ALDH1A2: variants seen among roughly 807,000 people sequenced by gnomAD.
The protein encoded by ALDH1A2 is retinal dehydrogenase 2.
A neutral mutation model predicts 60.3 loss-of-function variants in ALDH1A2; 27 were observed. The observed-to-expected ratio is 0.45, with a 90% CI of 0.33 to 0.62. The LOEUF is 0.62. Among genes scored for constraint, ALDH1A2 ranks in the 20% least tolerant of loss-of-function variants. The pLI is 0.02. For synonymous variants in ALDH1A2, 289 were observed against 232.4 expected, an observed-to-expected ratio of 1.24 and a Z score of -2.21; for missense variants, 581 against 643.8, an observed-to-expected ratio of 0.90 and a Z score of 1.06.
At chr15:57,966,195 A>C (rs1566930771) in intron 7 of ALDH1A2, among the ~76,000 whole-genome samples, 1 of 152,188 alleles carries the variant, frequency 6.6e-6, no homozygotes, top group Non-Finnish European at 1.5e-5. Flanking sequence ...AAAAAAGCCA[A>C]CTGGTGCCAC....
At chr15:58,045,680 C>G (rs531144483) in intron 1 of ALDH1A2, among the ~76,000 whole-genome samples, 3 of 152,078 alleles carry the variant, frequency 2.0e-5, no homozygotes, top group Non-Finnish European at 2.9e-5. Context: ...CACTCATAAG[C>G]AGGAACTGAA....
At chr15:58,025,670 T>C (rs1322865345) in intron 1 of ALDH1A2, among the ~76,000 whole-genome samples, 2 of 152,194 alleles carry the variant, frequency 1.3e-5, no homozygotes, top group African/African-American at 2.4e-5. Context: ...CGTAAAGGAA[T>C]ACCTGAGGAT....
chr15:58,044,219 C>T (rs2140560302), intron 1 of ALDH1A2, among the ~76,000 whole-genome samples: 1 of 151,994 alleles, frequency 6.6e-6, no homozygotes, highest in South Asian at 2.1e-4. Flanking sequence ...ATACATGTGC[C>T]ATGGTGGTTT....
At chr15:58,001,165 T>G (rs995358479) in intron 4 of ALDH1A2, among the ~76,000 whole-genome samples, 5 of 151,702 alleles carry the variant, frequency 3.3e-5, no homozygotes, top group African/African-American at 1.2e-4. Context: ...TATCAGCATC[T>G]TATAAACAGA....
At chr15:58,058,010 AC>A in intron 1 of ALDH1A2, 2 of 1,471,394 alleles carry the variant, frequency 1.4e-6, no homozygotes, top group Non-Finnish European at 1.8e-6. Flanking sequence ...GGCAGAATTC[AC>A]CAGTTTCAGT....
At chr15:57,976,484 T>TG (rs1894262381) in intron 7 of ALDH1A2, among the ~76,000 whole-genome samples, 1 of 152,154 alleles carries the variant, frequency 6.6e-6, no homozygotes, top group Non-Finnish European at 1.5e-5. Context: ...TCCTCATTGT[T>TG]CAACTCTCAC....
At chr15:58,002,678 T>C (rs1239778803) in intron 4 of ALDH1A2, among the ~76,000 whole-genome samples, 1 of 151,908 alleles carries the variant, frequency 6.6e-6, no homozygotes, top group East Asian at 1.9e-4. Flanking sequence ...CTGTAGCAAA[T>C]TTTATATACC....
At chr15:57,979,637 A>AG (rs1894412246) in intron 7 of ALDH1A2, 1 of 171,416 alleles carries the variant, frequency 5.8e-6, no homozygotes, top group Admixed American at 6.4e-5. Flanking sequence ...GAACAGGTTA[A>AG]GAAAAAAAAG....
intron 1 of ALDH1A2, among the ~76,000 whole-genome samples, chr15:58,036,360 G>A (rs1299857670): frequency 6.6e-6 from 1 of 151,542 alleles, no homozygotes; most frequent in Non-Finnish European, 1.5e-5. Flanking sequence ...GATGCATAAT[G>A]ACAGAAAGAC....
chr15:57,997,239 G>T (rs138118668), intron 4 of ALDH1A2, among the ~76,000 whole-genome samples: 141 of 152,088 alleles, frequency 9.3e-4, no homozygotes, highest in African/African-American at 3.3e-3. Flanking sequence ...GATAACTAAA[G>T]AATCTTCTGG....
intron 4 of ALDH1A2, among the ~76,000 whole-genome samples, chr15:58,006,410 G>A (rs936671330): frequency 6.6e-6 from 1 of 151,864 alleles, no homozygotes; most frequent in Non-Finnish European, 1.5e-5. Context: ...TTATCCACTC[G>A]TTGGCTGACG....
At chr15:58,017,805 C>CATAAAA (rs149786567) in intron 1 of ALDH1A2, among the ~76,000 whole-genome samples, 26 of 151,728 alleles carry the variant, frequency 1.7e-4, no homozygotes, top group Non-Finnish European at 3.1e-4. Context: ...GTAAATTATT[C>CATAAAA]ATAAAAATAA....
At chr15:57,961,405 T>C in intron 10 of ALDH1A2, 111 bp from the exon 11 acceptor site, 1 of 1,320,346 alleles carries the variant, frequency 7.6e-7, no homozygotes, top group South Asian at 1.2e-5. Flanking sequence ...CCTTTAAGTT[T>C]AGCAGTACAA....
chr15:58,026,210 C>T (rs1189875819), intron 1 of ALDH1A2, among the ~76,000 whole-genome samples: 3 of 152,126 alleles, frequency 2.0e-5, no homozygotes, highest in Non-Finnish European at 2.9e-5. Context: ...ATCAACAGCA[C>T]ATTGAAAAGA....
chr15:57,993,219 C>T, intron 5 of ALDH1A2, 146 bp from the exon 6 acceptor site: 1 of 1,014,884 alleles, frequency 9.9e-7, no homozygotes, highest in Non-Finnish European at 1.5e-6. Flanking sequence ...TTTTCAATTA[C>T]TTCATTAAGA....
intron 7 of ALDH1A2, among the ~76,000 whole-genome samples, chr15:57,975,820 G>GGTGA (rs1362244747): frequency 2.8e-4 from 42 of 152,116 alleles, no homozygotes; most frequent in African/African-American, 9.2e-4. Flanking sequence ...TGTGGGGGTG[G>GGTGA]GGGTGGAGAG....
chr15:57,993,165 T>C, intron 5 of ALDH1A2, 92 bp from the exon 6 acceptor site: 1 of 1,465,378 alleles, frequency 6.8e-7, no homozygotes, highest in South Asian at 1.2e-5. Flanking sequence ...CTCAAACTAG[T>C]CCTCGACATA....
At position 57,982,504 on chromosome 15, in the gene ALDH1A2, G is replaced by A. The variant is rs189659025; in HGVS notation, c.798+10201C>T. On this transcript the variant is annotated intron_variant, in intron 7 of 12. Coordinates refer to ENST00000249750, the MANE Select transcript of ALDH1A2 (RefSeq NM_003888.4). ...TTAAGAAAGCACTGAGGAGTACTTT[G>A]TTTTCTTTTAAGAGACTCTAAGTAA... Among the ~76,000 whole-genome samples the A allele has an allele frequency of 4.0e-3, 608 of 152,222 alleles. 13 individuals carry two copies. The highest frequency in any genetic ancestry group is 1.1e-3 in the Non-Finnish European group (77 of 67,998).
chr15:57,961,997 C>G lies in ALDH1A2; in HGVS notation c.1251+15G>C. ...AAGAAAGATGTGGCTTTTGTAAGAA[C>G]AGCATATTTGATACCTCCTCCTTGG... On this transcript the variant is annotated intron_variant, in intron 10 of 12. Transcript: ENST00000249750. 6.2e-7 allele frequency: 1 copy of G among 1,613,998 alleles called. No homozygotes were observed. Among genetic ancestry groups the G allele is most frequent in the Non-Finnish European group, 8.5e-7 (1 of 1,179,920 alleles).
Sources: gnomAD v4.1 joint callset for allele counts (sites outside exome capture counted in the v4.1 genomes callset) on GRCh38, gnomAD v4.1.1 for gene constraint, MANE v1.5 for transcripts, NCBI Gene and HGNC (gene_info 2026-07-23, HGNC 2026-07-21) for gene names.